Variants in NCKAP1 observed in about 807,000 individuals in gnomAD.
NCKAP1 encodes the protein nck-associated protein 1.
Under a neutral mutation model 151.2 loss-of-function variants are expected in NCKAP1, and 21 were observed. That is an observed-to-expected ratio of 0.14 (90% CI 0.10 to 0.20). NCKAP1 has a LOEUF of 0.20. Among genes scored for constraint, NCKAP1 ranks in the 10% least tolerant of loss-of-function variants. The pLI, the probability that NCKAP1 is intolerant of heterozygous loss-of-function variation, is 1.00. For missense variants in NCKAP1, 933 were observed against 1,352.1 expected (o/e 0.69, Z 4.86); for synonymous variants, 484 against 451.8 (o/e 1.07, Z -0.90).
At chr2:183,001,806 G>T in intron 6 of NCKAP1, 147 bp downstream of exon 6, 1 of 651,956 alleles carries the variant, frequency 1.5e-6, no homozygotes, top group Non-Finnish European at 2.7e-6. Context: ...TTAGTTCCCT[G>T]TCTATAATTA....
At chr2:183,037,645 C>T (rs80118472) in intron 1 of NCKAP1, among the ~76,000 whole-genome samples, 6,995 of 152,298 alleles carry the variant, frequency 0.046, 202 homozygotes, top group South Asian at 0.12. Flanking sequence ...ACCCACCACC[C>T]TCCCTTTCCT....
At chr2:182,973,979 G>C (rs1324944252) in intron 15 of NCKAP1, among the ~76,000 whole-genome samples, 1 of 151,508 alleles carries the variant, frequency 6.6e-6, no homozygotes, top group Non-Finnish European at 1.5e-5. Flanking sequence ...TTTATGCTTT[G>C]TCTCCATAGC....
intron 14 of NCKAP1, among the ~76,000 whole-genome samples, chr2:182,977,359 G>T (rs977762117): frequency 1.3e-5 from 2 of 152,022 alleles, no homozygotes; most frequent in African/African-American, 4.8e-5. Context: ...GTGTGGTGGT[G>T]CGTGCCTGTA....
intron 23 of NCKAP1, among the ~76,000 whole-genome samples, chr2:182,942,611 G>A (rs1455584956): frequency 6.6e-6 from 1 of 151,990 alleles, no homozygotes; most frequent in Non-Finnish European, 1.5e-5. Context: ...AGAATGACTT[G>A]TTATGGTATG....
chr2:182,971,039 A>G (rs969771139), intron 15 of NCKAP1, among the ~76,000 whole-genome samples: 1 of 152,146 alleles, frequency 6.6e-6, no homozygotes, highest in Non-Finnish European at 1.5e-5. Context: ...ACAAAAAGTG[A>G]AAGATCTCTA....
In NCKAP1 at chr2:182,913,349, T is replaced by C. The variant is rs375732724; in HGVS notation, c.*12353A>G. ...GAGAGGTGGGACTTCTGGGAGGTGA[T>C]TGGTTCACAAGAGCTCTGCCCTCAT... is the stretch of plus-strand genomic sequence containing the variant. On this transcript the variant is annotated 3_prime_UTR_variant, in exon 31 of 31. Coordinates refer to ENST00000361354, the MANE Select transcript of NCKAP1 (RefSeq NM_013436.5). The C allele has an allele frequency of 8.5e-5, 13 of 152,214 alleles. No individual in the cohort carries two copies. Among genetic ancestry groups the C allele is most frequent in the East Asian group, 5.8e-4 (3 of 5,188 alleles). The allele number at this position is 152,214 out of a possible 1,614,324, so 9.4% of individuals were successfully genotyped here. A position where few individuals can be genotyped will look rare whatever the true frequency, so the allele number is the denominator to read the frequency against.
intron 18 of NCKAP1, 85 bp from the exon 19 acceptor site, chr2:182,957,681 C>T (rs767675648): frequency 7.8e-5 from 107 of 1,374,826 alleles, no homozygotes; most frequent in Non-Finnish European, 1.0e-4. Flanking sequence ...TAGCTGAATC[C>T]AGGCTGTGTT....
At chr2:183,008,587 G>GC (rs1698527037) in intron 2 of NCKAP1, among the ~76,000 whole-genome samples, 2 of 152,104 alleles carry the variant, frequency 1.3e-5, no homozygotes, top group African/African-American at 4.8e-5. Flanking sequence ...CAGAGCCTTT[G>GC]CATTTGTTCT....
At chr2:182,975,206 CAA>C (rs1433278831) in intron 15 of NCKAP1, among the ~76,000 whole-genome samples, 1 of 152,036 alleles carries the variant, frequency 6.6e-6, no homozygotes, top group African/African-American at 2.4e-5. Flanking sequence ...TTTTTAAAAA[CAA>C]AGAGGTGTCA....
rs751771926 is a variant in NCKAP1, at chr2:183,002,927, C to T, written c.369+47G>A. On this transcript the variant is annotated intron_variant, in intron 4 of 30. Coordinates refer to ENST00000361354, the MANE Select transcript of NCKAP1 (RefSeq NM_013436.5). ...AGAAAAGCAAGTGGTCCCCTGAGCT[C>T]TTCTGGAAACAGAATAATTGGACAT... 6 of 1,463,902 alleles carry T rather than the reference C, an allele frequency of 4.1e-6. No individual in the cohort carries two copies. The South Asian group carries it at 5.9e-5, about 15-fold the overall frequency. The allele number at this position is 1,463,902 out of a possible 1,614,324, so 90.7% of individuals were successfully genotyped here.
intron 10 of NCKAP1, among the ~76,000 whole-genome samples, chr2:182,984,423 G>GGGGGTGTGTGTGTGTGTGTGTGTGTGT (rs984252600): frequency 1.4e-5 from 2 of 144,282 alleles, no homozygotes; most frequent in Non-Finnish European, 3.1e-5. Flanking sequence ...TTTAGATTGG[G>GGGGGTGTGTGTGTGTGTGTGTGTGTGT]GTGTGTGTGT....
Position 182,942,126 on chromosome 2 carries a change from A to G in NCKAP1, c.2639T>C (p.Met880Thr), listed in dbSNP as rs772094016. The G allele has an allele frequency of 1.2e-6, 2 of 1,613,472 alleles. No homozygotes were observed. The highest frequency in any genetic ancestry group is 1.7e-5 in the Admixed American group (1 of 59,994). Reference protein sequence around the residue: ...VVENVDVLTQMRTSFDKPDQM... With the variant: ...VVENVDVLTQTRTSFDKPDQM... ...GTCTGGTTTGTCAAAGCTGGTCCTC[A>G]TTTGTGTTAACACATCAACATTCTC... Residue 880 changes from methionine (M) to threonine (T), a missense_variant, in exon 24 of 31, where the codon ATG becomes ACG. Met to Thr is a moderately conservative substitution (Grantham distance 81). Transcript: ENST00000361354.
chr2:182,954,699 T>C (rs1697288495), intron 20 of NCKAP1, among the ~76,000 whole-genome samples: 3 of 152,040 alleles, frequency 2.0e-5, no homozygotes, highest in South Asian at 2.1e-4. Context: ...GGCAGGAGAA[T>C]TGCTTGAACT....
chr2:183,028,018 T>C (rs1172967920), intron 1 of NCKAP1, among the ~76,000 whole-genome samples: 1 of 152,176 alleles, frequency 6.6e-6, no homozygotes, highest in Non-Finnish European at 1.5e-5. Context: ...TTTAGACTAA[T>C]ATATTTCAGA....
intron 8 of NCKAP1, among the ~76,000 whole-genome samples, chr2:182,989,854 G>C (rs1461013502): frequency 6.6e-6 from 1 of 152,006 alleles, no homozygotes; most frequent in Non-Finnish European, 1.5e-5. Flanking sequence ...ACAAAAATTA[G>C]ACAGGAGTGT....
chr2:183,031,293 T>C (rs1698999516), intron 1 of NCKAP1, among the ~76,000 whole-genome samples: 1 of 152,198 alleles, frequency 6.6e-6, no homozygotes, highest in South Asian at 2.1e-4. Context: ...AAGATATATA[T>C]GTCACTGTTG....
In NCKAP1 at chr2:182,981,332, T is replaced by C; in HGVS notation, c.1253A>G (p.His418Arg). 1 of 1,613,538 alleles carries C rather than the reference T, an allele frequency of 6.2e-7. No homozygotes were observed. Among genetic ancestry groups the C allele is most frequent in the Non-Finnish European group, 8.5e-7 (1 of 1,179,476 alleles). The change falls in exon 13 of 31, where the codon CAT becomes CGT. Residue 418 changes from histidine (H) to arginine (R), a missense_variant. Physicochemically the swap from His to Arg is conservative, Grantham distance 29 (BLOSUM62 0). Coordinates refer to ENST00000361354, the MANE Select transcript of NCKAP1 (RefSeq NM_013436.5). Reference sequence around the variant, plus strand: ...CATTACAGGTCCGTATTTCCTCACATGTGCTCTAAGTTCTTCCATGTAAAA... The same window carrying C: ...CATTACAGGTCCGTATTTCCTCACACGTGCTCTAAGTTCTTCCATGTAAAA... ...LIFYMEELRA[H>R]VRKYGPVMQR...
At chr2:182,982,955 C>A in intron 11 of NCKAP1, 28 bp from the exon 12 acceptor site, 1 of 1,511,248 alleles carries the variant, frequency 6.6e-7, no homozygotes. Context: ...AGTGTTTATT[C>A]TTATTCAAAG....
chr2:183,003,098 A>C, intron 3 of NCKAP1, 68 bp from the exon 4 acceptor site: 1 of 1,412,318 alleles, frequency 7.1e-7, no homozygotes, highest in Non-Finnish European at 9.8e-7. Context: ...AACACAAACA[A>C]ATAAGGTATG....
Sources: allele counts gnomAD v4.1 joint callset (sites outside exome capture counted in the v4.1 genomes callset), GRCh38; gene constraint gnomAD v4.1.1; transcripts MANE v1.5; gene names NCBI Gene and HGNC (gene_info 2026-07-23, HGNC 2026-07-21).